The following CBX5 variants were observed in gnomAD, a reference collection of about 807,000 sequenced individuals.
CBX5 encodes the protein chromobox protein homolog 5.
CBX5 carries 7 observed loss-of-function variants against 20.7 expected under a neutral mutation model. The observed-to-expected ratio is 0.34, with a 90% confidence interval of 0.19 to 0.63. The LOEUF (loss-of-function observed/expected upper bound fraction) is 0.63. Among genes scored for constraint, CBX5 ranks in the 30% least tolerant of loss-of-function variants. CBX5 has a pLI of 0.75. For synonymous variants in CBX5, 78 were observed against 77.0 expected (o/e 1.01, Z -0.07); for missense variants, 110 against 224.1 (o/e 0.49, Z 3.25).
intron 4 of CBX5, among the ~76,000 whole-genome samples, chr12:54,242,307 C>A (rs563419510): frequency 6.6e-6 from 1 of 151,948 alleles, no homozygotes; most frequent in African/African-American, 2.4e-5. Context: ...GGGTGGATCA[C>A]GAGGTCAGGA....
chr12:54,250,668 G>A lies in CBX5; in HGVS notation c.324+1373C>T, dbSNP rs58550157. Among the ~76,000 whole-genome samples, 1,458 of 149,144 alleles carry A rather than the reference G, an allele frequency of 9.8e-3. 22 individuals are homozygous for A. Among genetic ancestry groups the A allele is most frequent in the African/African-American group, 0.033 (1,367 of 40,840 alleles). ...AAAATACAAAAAATTAGCCGGGCGCGGTGGCGGGCGCCTGTAGTCCCAGCT... is the reference window on the plus strand; with the variant it reads ...AAAATACAAAAAATTAGCCGGGCGCAGTGGCGGGCGCCTGTAGTCCCAGCT... On this transcript the variant is annotated intron_variant, in intron 3 of 4. Coordinates refer to ENST00000209875, the MANE Select transcript of CBX5 (RefSeq NM_012117.3).
intron 3 of CBX5, 58 bp from the exon 4 acceptor site, chr12:54,246,273 G>T: frequency 8.1e-7 from 1 of 1,240,430 alleles, no homozygotes; most frequent in Non-Finnish European, 1.2e-6. Flanking sequence ...GAAACTCCCT[G>T]CTTCTAGGCT....
At chr12:54,259,485 A>AT (rs1943894688) in intron 1 of CBX5, 1 of 152,668 alleles carries the variant, frequency 6.6e-6, no homozygotes, top group Non-Finnish European at 1.5e-5. Flanking sequence ...TAGAAAATGA[A>AT]TGGGGGTTCC....
intron 2 of CBX5, 147 bp from the exon 3 acceptor site, chr12:54,252,374 G>C (rs1356637689): frequency 2.5e-6 from 1 of 406,156 alleles, no homozygotes; most frequent in Non-Finnish European, 4.2e-6. Context: ...TTTGATCCTA[G>C]ATTTCTACCC....
At chr12:54,253,727 C>CAAAAAAAA (rs58403125) in intron 2 of CBX5, among the ~76,000 whole-genome samples, 1 of 70,882 alleles carries the variant, frequency 1.4e-5, no homozygotes, top group African/African-American at 5.7e-5. Context: ...GATACCATCT[C>CAAAAAAAA]AAAAAAAAAA....
chr12:54,273,637 T>C (rs190917173), intron 1 of CBX5: 1 of 152,272 alleles, frequency 6.6e-6, no homozygotes, highest in African/African-American at 2.4e-5. Flanking sequence ...CTGATGCAAG[T>C]ACTCAAAAGA....
chr12:54,256,075 A>T (rs1708905308), intron 2 of CBX5, among the ~76,000 whole-genome samples: 3 of 152,188 alleles, frequency 2.0e-5, no homozygotes, highest in African/African-American at 7.2e-5. Flanking sequence ...GTCTACCCCA[A>T]ACCTTACCTT....
chr12:54,251,627 G>T (rs1440929053), intron 3 of CBX5, among the ~76,000 whole-genome samples: 1 of 151,982 alleles, frequency 6.6e-6, no homozygotes, highest in African/African-American at 2.4e-5. Context: ...GGAGATTGCA[G>T]TGAGCTGAGA....
In CBX5 at chr12:54,244,259, G is replaced by A. The variant is rs138785236; in HGVS notation, c.425+1856C>T. Among the ~76,000 whole-genome samples, 259 of 151,292 alleles carry A rather than the reference G, an allele frequency of 1.7e-3. 1 individual carries two copies. In the East Asian group the frequency reaches 0.027, roughly 16 times the overall value. On this transcript the variant is annotated intron_variant, in intron 4 of 4. Transcript: ENST00000209875. The stretch of plus-strand genomic sequence containing the variant: ...GACCTTGTGATCCGCCCGTCTCGGC[G>A]TCTCGGCCTCCCAAAGTGCTGGGAT...
At chr12:54,272,123 G>A (rs1201213273) in intron 1 of CBX5, 1 of 152,164 alleles carries the variant, frequency 6.6e-6, no homozygotes, top group Admixed American at 6.5e-5. Context: ...TTAGTACAGG[G>A]CATTTTATTC....
At chr12:54,251,547 C>T (rs941802946) in intron 3 of CBX5, among the ~76,000 whole-genome samples, 3 of 145,466 alleles carry the variant, frequency 2.1e-5, no homozygotes. Context: ...AAAAATCAGC[C>T]AGGTGTGGTG....
intron 3 of CBX5, among the ~76,000 whole-genome samples, chr12:54,248,996 A>T (rs960518994): frequency 1.3e-5 from 2 of 152,176 alleles, no homozygotes; most frequent in African/African-American, 4.8e-5. Flanking sequence ...CAAGGTCGGC[A>T]GCTTCAGAAC....
chr12:54,271,243 C>T (rs542949624), intron 1 of CBX5, among the ~76,000 whole-genome samples: 114 of 152,284 alleles, frequency 7.5e-4, no homozygotes, highest in Non-Finnish European at 1.0e-3. Context: ...CTTCCGTTTC[C>T]TTACTGATTT....
chr12:54,252,006 G>T (rs754074274), intron 3 of CBX5, 35 bp downstream of exon 3: 3 of 1,479,442 alleles, frequency 2.0e-6, no homozygotes, highest in Admixed American at 2.4e-5. Flanking sequence ...GGTGGCAAAA[G>T]AATAGTTTTT....
In CBX5 at chr12:54,235,298, T is replaced by G. The variant is rs987033342; in HGVS notation, c.*6457A>C. On this transcript the variant is annotated 3_prime_UTR_variant, in exon 5 of 5. Coordinates refer to ENST00000209875, the MANE Select transcript of CBX5 (RefSeq NM_012117.3). ...TGTATTTCTGGCAAAGGTTTCCACA[T>G]AACTGATACAATTCTCTGCTTAGAA... 6.6e-6 allele frequency: 1 copy of G among 152,218 alleles called. No individual in the cohort carries two copies. The highest frequency in any genetic ancestry group is 2.4e-5 in the African/African-American group (1 of 41,446). The allele number at this position is 152,218 out of a possible 1,614,324, so 9.4% of individuals were successfully genotyped here.
At chr12:54,278,713 C>G (rs1306397568) in intron 1 of CBX5, 1 of 152,174 alleles carries the variant, frequency 6.6e-6, no homozygotes, top group Non-Finnish European at 1.5e-5. Context: ...AAACACACTT[C>G]GAAGGAAATC....
intron 4 of CBX5, among the ~76,000 whole-genome samples, chr12:54,244,822 T>C (rs771059063): frequency 2.0e-5 from 3 of 152,186 alleles, no homozygotes; most frequent in Non-Finnish European, 4.4e-5. Flanking sequence ...CTTTGGCCAG[T>C]ATTAGCTTTA....
chr12:54,254,285 C>T (rs1450625308), intron 2 of CBX5, among the ~76,000 whole-genome samples: 6 of 126,492 alleles, frequency 4.7e-5, no homozygotes, highest in South Asian at 2.5e-4. Context: ...GAGCTGAGTT[C>T]GAGCTATTGC....
chr12:54,273,039 G>A (rs367858996), intron 1 of CBX5: 78 of 152,286 alleles, frequency 5.1e-4, no homozygotes, highest in African/African-American at 1.9e-3. Context: ...TTTGGGTAGA[G>A]GTTAGGGAAC....
Sources: allele counts gnomAD v4.1 joint callset (sites outside exome capture counted in the v4.1 genomes callset), GRCh38; gene constraint gnomAD v4.1.1; transcripts MANE v1.5; gene names NCBI Gene and HGNC (gene_info 2026-07-23, HGNC 2026-07-21).